HAVCR2: variants seen among roughly 807,000 people sequenced by gnomAD.
HAVCR2 encodes the protein hepatitis A virus cellular receptor 2, also known as T cell immunoglobulin mucin 3.
A neutral mutation model predicts 24.7 loss-of-function variants in HAVCR2; 13 were observed. That is an observed-to-expected ratio of 0.53 (90% CI 0.34 to 0.84). HAVCR2 has a LOEUF of 0.84. Among genes scored for constraint, HAVCR2 ranks in the 40% least tolerant of loss-of-function variants. The pLI, the probability that HAVCR2 is intolerant of heterozygous loss-of-function variation, is 0.01. For synonymous variants in HAVCR2, 154 were observed against 143.4 expected (o/e 1.07, Z -0.53); for missense variants, 343 against 371.2 (o/e 0.92, Z 0.62).
chr5:157,104,928 G>A, intron 2 of HAVCR2, 179 bp from the exon 3 acceptor site: 1 of 442,892 alleles, frequency 2.3e-6, no homozygotes, highest in African/African-American at 2.0e-5. Flanking sequence ...TCAAATGTTT[G>A]ACAAAGGTAA....
intron 5 of HAVCR2, among the ~76,000 whole-genome samples, chr5:157,089,545 A>G (rs1246352464): frequency 2.0e-5 from 3 of 152,078 alleles, no homozygotes; most frequent in Admixed American, 1.3e-4. Context: ...TCAAAAAAAA[A>G]AAAACAACAA....
chr5:157,105,185 C>T (rs1757228871), intron 2 of HAVCR2, among the ~76,000 whole-genome samples: 1 of 152,052 alleles, frequency 6.6e-6, no homozygotes, highest in Admixed American at 6.6e-5. Flanking sequence ...CTGCCTCAGA[C>T]TCCTGAGTAG....
intron 3 of HAVCR2, among the ~76,000 whole-genome samples, chr5:157,102,356 G>A (rs1757179994): frequency 6.6e-6 from 1 of 152,086 alleles, no homozygotes; most frequent in African/African-American, 2.4e-5. Flanking sequence ...TTACACATGT[G>A]AGCCACTGTG....
intron 5 of HAVCR2, among the ~76,000 whole-genome samples, chr5:157,089,299 G>A (rs1440525676): frequency 1.3e-5 from 2 of 152,134 alleles, no homozygotes; most frequent in Non-Finnish European, 2.9e-5. Flanking sequence ...TCCTGTGGGA[G>A]ACCAAAGAAA....
intron 6 of HAVCR2, 23 bp downstream of exon 6, chr5:157,088,918 C>T: frequency 6.2e-7 from 1 of 1,602,546 alleles, no homozygotes; most frequent in South Asian, 1.1e-5. Context: ...CACCTTTTCC[C>T]AACCCCATTC....
intron 3 of HAVCR2, among the ~76,000 whole-genome samples, chr5:157,101,965 G>T (rs866955937): frequency 0.047 from 2,282 of 49,006 alleles, 32 homozygotes; most frequent in Middle Eastern, 0.07. Context: ...TTTTTTTTTT[G>T]GGATGGAATC....
chr5:157,103,187 C>A (rs1301617751), intron 3 of HAVCR2, among the ~76,000 whole-genome samples: 1 of 151,782 alleles, frequency 6.6e-6, no homozygotes, highest in Non-Finnish European at 1.5e-5. Context: ...CACGGTGAAA[C>A]TCTGTCTCTA....
rs1376735025 is a variant in HAVCR2 at position 157,095,346 on chromosome 5, C to T, written c.636G>A (p.Gly212=). 11 of 1,614,004 alleles carry T rather than the reference C, an allele frequency of 6.8e-6. No individual in the cohort carries two copies. Among genetic ancestry groups the T allele is most frequent in the African/African-American group, 1.3e-5 (1 of 74,904 alleles). Residue 212 remains glycine, a synonymous_variant, in exon 5 of 7, where the codon GGG becomes GGA. Transcript: ENST00000307851. ...GIYIGAGICA[G]LALALIFGAL... Reference sequence around the variant, plus strand: ...CGCCGAAGATAAGAGCCAGAGCCAGCCCAGCACAGATCCCTGCTCCGATGT... The same window carrying T: ...CGCCGAAGATAAGAGCCAGAGCCAGTCCAGCACAGATCCCTGCTCCGATGT...
At chr5:157,092,159 TATATAC>T (rs1301455668) in intron 5 of HAVCR2, among the ~76,000 whole-genome samples, 1 of 127,282 alleles carries the variant, frequency 7.9e-6, no homozygotes, top group Non-Finnish European at 1.7e-5. Context: ...TATATATATA[TATATAC>T]ACACACACAT....
chr5:157,104,183 G>A (rs911919971), intron 3 of HAVCR2, among the ~76,000 whole-genome samples: 4 of 152,166 alleles, frequency 2.6e-5, no homozygotes, highest in Non-Finnish European at 5.9e-5. Context: ...CCCTGAGTAC[G>A]TCCTTGCTGA....
Position 157,108,975 on chromosome 5 carries a change from T to C in HAVCR2, c.9A>G (p.Ser3=). The part of the protein sequence containing the change: MF[S]HLPFDCVLLL... ...GCAGGACACAGTCAAAGGGAAGATGTGAAAACATGGAGCTTGCAGAAGAAA... is the reference window on the plus strand; with the variant it reads ...GCAGGACACAGTCAAAGGGAAGATGCGAAAACATGGAGCTTGCAGAAGAAA... The change falls in exon 1 of 7, where the codon TCA becomes TCG. Residue 3 remains serine (S), a synonymous_variant. Transcript: ENST00000307851. 6.2e-7 allele frequency: 1 copy of C among 1,614,162 alleles called. No homozygotes were observed. Among genetic ancestry groups the C allele is most frequent in the Non-Finnish European group, 8.5e-7 (1 of 1,179,984 alleles).
chr5:157,089,517 C>T (rs538718241), intron 5 of HAVCR2, among the ~76,000 whole-genome samples: 6 of 145,792 alleles, frequency 4.1e-5, no homozygotes, highest in South Asian at 2.2e-4. Context: ...GCCTGGGCAA[C>T]GAGAGCGAAA....
Position 157,101,771 on chromosome 5 carries a change from ATTT to A in HAVCR2, c.479-2873_479-2871del, listed in dbSNP as rs397797524. ...CTCTTACTTTTAAAGGCTCTACTCC[ATTT>A]TTTTTTTTTTTTTTTCTGAGAAAGG... On this transcript the variant is annotated intron_variant, in intron 3 of 6. Transcript: ENST00000307851. 5.6e-5 allele frequency among the ~76,000 whole-genome samples: 7 copies of A among 125,120 alleles called. No homozygotes were observed. The South Asian group carries it at 1.8e-3, about 32-fold the overall frequency. 82.1% of individuals were successfully genotyped at this position (125,120 alleles called of 152,430 possible).
At chr5:157,098,396 A>G (rs1358332399) in intron 4 of HAVCR2, among the ~76,000 whole-genome samples, 5 of 150,726 alleles carry the variant, frequency 3.3e-5, no homozygotes, top group Non-Finnish European at 7.4e-5. Context: ...AACAAGAGCG[A>G]AATTCTGTCT....
rs552108327 is a variant in HAVCR2, at chr5:157,104,870, A to C, written c.395-121T>G. 3.2e-5 allele frequency: 20 copies of C among 630,472 alleles called. No individual in the cohort carries two copies. In the East Asian group the frequency reaches 5.8e-4, roughly 18 times the overall value. 39.1% of individuals were successfully genotyped at this position (630,472 alleles called of 1,614,324 possible). A position where few individuals can be genotyped will look rare whatever the true frequency, so the allele number is the denominator to read the frequency against. On this transcript the variant is annotated intron_variant, in intron 2 of 6. Coordinates refer to ENST00000307851, the MANE Select transcript of HAVCR2 (RefSeq NM_032782.5). Reference sequence around the variant, plus strand: ...AATTAAGAAAGAGAAATACACCCTCAGCTTCCAAACCTGCCTGGATACCTA... The same window carrying C: ...AATTAAGAAAGAGAAATACACCCTCCGCTTCCAAACCTGCCTGGATACCTA...
chr5:157,099,320 A>G (rs6891966), intron 3 of HAVCR2, among the ~76,000 whole-genome samples: 120,016 of 151,428 alleles, frequency 0.79, 47,581 homozygotes, highest in East Asian at 0.93. Flanking sequence ...GCAGTGGCAT[A>G]ATCTCAGCTC....
At chr5:157,091,446 CAAA>C (rs755414299) in intron 5 of HAVCR2, among the ~76,000 whole-genome samples, 1 of 116,848 alleles carries the variant, frequency 8.6e-6, no homozygotes, top group Non-Finnish European at 1.9e-5. Flanking sequence ...AACTCTGTCT[CAAA>C]AAAAAAAAAA....
intron 3 of HAVCR2, among the ~76,000 whole-genome samples, chr5:157,103,662 C>T (rs890506466): frequency 2.0e-5 from 3 of 152,126 alleles, no homozygotes; most frequent in Admixed American, 1.3e-4. Flanking sequence ...TTTTTATGGG[C>T]CAGGTACTAT....
At chr5:157,090,675 G>T (rs78395165) in intron 5 of HAVCR2, among the ~76,000 whole-genome samples, 5,188 of 152,188 alleles carry the variant, frequency 0.034, 267 homozygotes, top group African/African-American at 0.11. Context: ...GAGCCATTGT[G>T]CTCAGACATT....
Sources: allele counts gnomAD v4.1 joint callset (sites outside exome capture counted in the v4.1 genomes callset), GRCh38; gene constraint gnomAD v4.1.1; transcripts MANE v1.5; gene names NCBI Gene and HGNC (gene_info 2026-07-23, HGNC 2026-07-21).